OSBPL11: variants seen among roughly 807,000 people sequenced by gnomAD.
OSBPL11 encodes oxysterol binding protein like 11.
OSBPL11 carries 33 observed loss-of-function variants against 84.4 expected under a neutral mutation model. The ratio of observed to expected loss-of-function variants is 0.39; its 90% confidence interval spans 0.30 to 0.52. The LOEUF is 0.52. Among genes scored for constraint, OSBPL11 ranks in the 20% least tolerant of loss-of-function variants. OSBPL11 has a pLI of 0.72. For missense variants in OSBPL11, 736 were observed against 901.1 expected (o/e 0.82, Z 2.35); for synonymous variants, 276 against 310.2 (o/e 0.89, Z 1.16).
At chr3:125,577,992 T>G (rs544579128) in intron 4 of OSBPL11, among the ~76,000 whole-genome samples, 10 of 152,222 alleles carry the variant, frequency 6.6e-5, no homozygotes, top group African/African-American at 1.9e-4. Context: ...CCTAGAGAAA[T>G]GAAATCATAT....
intron 8 of OSBPL11, among the ~76,000 whole-genome samples, chr3:125,558,479 T>C (rs1936025972): frequency 6.6e-6 from 1 of 152,222 alleles, no homozygotes; most frequent in African/African-American, 2.4e-5. Flanking sequence ...AATGTCTGCT[T>C]CTTATGCTTT....
chr3:125,542,581 T>G (rs1935747451), intron 10 of OSBPL11, among the ~76,000 whole-genome samples: 1 of 151,092 alleles, frequency 6.6e-6, no homozygotes, highest in African/African-American at 2.4e-5. Flanking sequence ...CGATCTCAGC[T>G]CACTGCAAGC....
chr3:125,532,198 C>A lies in OSBPL11; in HGVS notation c.2025-184G>T, dbSNP rs1054960007. Among the ~76,000 whole-genome samples, 6 of 152,176 alleles carry A rather than the reference C, an allele frequency of 3.9e-5. No homozygotes were observed. The South Asian group carries it at 6.2e-4, about 16-fold the overall frequency. On this transcript the variant is annotated intron_variant, in intron 11 of 12. Transcript: ENST00000296220. ...GCTGATGGTTATGTCCAGGATGCTG[C>A]TCCTTCTGCTTCTTTTTAAATTAAA...
intron 6 of OSBPL11, among the ~76,000 whole-genome samples, chr3:125,565,139 G>A (rs1936135259): frequency 6.6e-6 from 1 of 152,130 alleles, no homozygotes; most frequent in Admixed American, 6.6e-5. Context: ...TAGCTACTTG[G>A]GGGGCTAAAG....
At chr3:125,532,145 T>G in intron 11 of OSBPL11, 131 bp from the exon 12 acceptor site, 1 of 918,452 alleles carries the variant, frequency 1.1e-6, no homozygotes, top group Non-Finnish European at 1.6e-6. Context: ...GTCATGCTTA[T>G]GAATTCCAAG....
rs769154555 is a variant in OSBPL11, at chr3:125,579,896, G to A, written c.378C>T (p.Asn126=). ...GTTTATATTGTTCCCCACTGGCAGC[G>A]TTTACAGTGAAGGTGTGAGAATCCT... is the stretch of plus-strand genomic sequence containing the variant. The part of the protein sequence containing the change: ...SDEDSHTFTV[N]AASGEQYKLR... Residue 126 remains asparagine (N), a synonymous_variant, in exon 3 of 13, where the codon AAC becomes AAT. Transcript: ENST00000296220. 22 of 1,614,150 alleles carry A rather than the reference G, an allele frequency of 1.4e-5. No homozygotes were observed. In the South Asian group the frequency reaches 1.6e-4, roughly 12 times the overall value.
intron 11 of OSBPL11, among the ~76,000 whole-genome samples, chr3:125,537,049 A>G (rs1304065718): frequency 1.3e-5 from 2 of 151,204 alleles, no homozygotes; most frequent in Non-Finnish European, 2.9e-5. Context: ...AGTCCCAGCT[A>G]CTCAGGAGGC....
rs576696096 is a variant in OSBPL11, at chr3:125,594,273, G to A, written c.164+364C>T. Among the ~76,000 whole-genome samples the A allele has an allele frequency of 2.0e-5, 3 of 152,346 alleles. No individual in the cohort carries two copies. In the South Asian group the frequency reaches 6.2e-4, roughly 32 times the overall value. ...TATTTGCTACCCTCTCGAGAAAGCT[G>A]AGTTAAACAGTTCCTGCCCTCGCAG... is the stretch of plus-strand genomic sequence containing the variant. On this transcript the variant is annotated intron_variant, in intron 1 of 12. Transcript: ENST00000296220.
Position 125,576,351 on chromosome 3 carries a change from C to A in OSBPL11, c.504G>T (p.Leu168=). ...ATGCAAGTGAGAAGCTCCGTGACTT[C>A]AGAGGAGGATTATTCTGTTAGACAA... is the stretch of plus-strand genomic sequence containing the variant. ...TEAIGKNNPP[L]KSRSFSLASS... The change falls in exon 5 of 13, where the codon CTG becomes CTT. Residue 168 remains leucine (L), a synonymous_variant. Transcript: ENST00000296220. 6.3e-7 allele frequency: 1 copy of A among 1,583,020 alleles called. No homozygotes were observed. The highest frequency in any genetic ancestry group is 8.5e-7 in the Non-Finnish European group (1 of 1,171,498).
Position 125,553,285 on chromosome 3 carries a change from G to A in OSBPL11, c.1156-606C>T, listed in dbSNP as rs182623950. ...CAAAGTAAATGTTAGCCATGCCTTTGCTCCTTTCCTATGTTAAAATTAAAT... is the reference window on the plus strand; with the variant it reads ...CAAAGTAAATGTTAGCCATGCCTTTACTCCTTTCCTATGTTAAAATTAAAT... On this transcript the variant is annotated intron_variant, in intron 8 of 12. Coordinates refer to ENST00000296220, the MANE Select transcript of OSBPL11 (RefSeq NM_022776.5). Among the ~76,000 whole-genome samples the A allele has an allele frequency of 5.3e-5, 8 of 152,270 alleles. No individual in the cohort carries two copies. In the East Asian group the frequency reaches 1.5e-3, roughly 29 times the overall value.
chr3:125,557,486 G>C (rs555854306), intron 8 of OSBPL11, among the ~76,000 whole-genome samples: 23 of 152,098 alleles, frequency 1.5e-4, no homozygotes, highest in South Asian at 4.1e-4. Context: ...GGTTCAAGCG[G>C]TTCTCCTGCC....
At chr3:125,544,887 C>T (rs1203868336) in intron 10 of OSBPL11, among the ~76,000 whole-genome samples, 2 of 152,126 alleles carry the variant, frequency 1.3e-5, no homozygotes, top group African/African-American at 4.8e-5. Context: ...AGATAGTTAG[C>T]AAAGAGCTAA....
intron 6 of OSBPL11, among the ~76,000 whole-genome samples, chr3:125,564,950 C>T (rs1469338800): frequency 3.9e-5 from 6 of 152,128 alleles, no homozygotes; most frequent in South Asian, 2.1e-4. Flanking sequence ...CCACCATGCC[C>T]GGCCACAAAT....
chr3:125,577,554 G>A (rs1238256075), intron 4 of OSBPL11, among the ~76,000 whole-genome samples: 7 of 152,164 alleles, frequency 4.6e-5, no homozygotes, highest in Non-Finnish European at 5.9e-5. Flanking sequence ...CTCGCTGGGC[G>A]TGGTGGCTCA....
chr3:125,574,781 T>C (rs1936297328), intron 5 of OSBPL11, among the ~76,000 whole-genome samples: 2 of 152,282 alleles, frequency 1.3e-5, no homozygotes, highest in South Asian at 2.1e-4. Context: ...AATGGATCAA[T>C]ATTTGCAAGA....
intron 5 of OSBPL11, among the ~76,000 whole-genome samples, chr3:125,570,759 G>A (rs1004851562): frequency 4.6e-5 from 7 of 152,082 alleles, no homozygotes; most frequent in Non-Finnish European, 5.9e-5. Flanking sequence ...CTTGACTTCC[G>A]CCATGACTGT....
chr3:125,593,064 C>CA (rs1345167685), intron 1 of OSBPL11, among the ~76,000 whole-genome samples: 1 of 152,082 alleles, frequency 6.6e-6, no homozygotes, highest in Admixed American at 6.6e-5. Context: ...AGTTGTAAAC[C>CA]AAAAATAACA....
At chr3:125,564,053 A>G (rs548479273) in intron 6 of OSBPL11, among the ~76,000 whole-genome samples, 50 of 152,342 alleles carry the variant, frequency 3.3e-4, no homozygotes, top group African/African-American at 1.2e-3. Flanking sequence ...TTGATATCAG[A>G]TACTATTTAA....
chr3:125,579,114 C>G (rs1005058516), intron 3 of OSBPL11, 75 bp from the exon 4 acceptor site: 1 of 1,080,852 alleles, frequency 9.3e-7, no homozygotes, highest in Non-Finnish European at 1.3e-6. Flanking sequence ...GTATGAAGAT[C>G]AGATCACTGA....
Sources: gnomAD v4.1 joint callset for allele counts (sites outside exome capture counted in the v4.1 genomes callset) on GRCh38, gnomAD v4.1.1 for gene constraint, MANE v1.5 for transcripts, NCBI Gene and HGNC (gene_info 2026-07-23, HGNC 2026-07-21) for gene names.